The following MRAS variants were observed in gnomAD, a reference collection of about 807,000 sequenced individuals.
The protein encoded by MRAS is muscle RAS oncogene homolog.
Under a neutral mutation model 20.9 loss-of-function variants are expected in MRAS, and 4 were observed. The observed-to-expected ratio is 0.19, with a 90% CI of 0.09 to 0.44. The LOEUF (loss-of-function observed/expected upper bound fraction) is 0.44. Among genes scored for constraint, MRAS ranks in the 20% least tolerant of loss-of-function variants. MRAS has a pLI of 0.99. For missense variants in MRAS, 154 were observed against 277.5 expected (o/e 0.56, Z 3.16); for synonymous variants, 98 against 102.9 (o/e 0.95, Z 0.29).
chr3:138,395,048 A>AT (rs906391831), intron 2 of MRAS, among the ~76,000 whole-genome samples: 6 of 148,330 alleles, frequency 4.0e-5, no homozygotes, highest in East Asian at 3.9e-4. Flanking sequence ...TTTATTTTTT[A>AT]TTTTTTTTTC....
At chr3:138,374,558 A>G (rs915669548) in intron 2 of MRAS, among the ~76,000 whole-genome samples, 3 of 152,130 alleles carry the variant, frequency 2.0e-5, no homozygotes, top group Non-Finnish European at 4.4e-5. Context: ...TCCAATCTGG[A>G]TGGCTCTTAT....
At position 138,402,370 on chromosome 3, in the gene MRAS, C is replaced by G. The variant is rs1274818875; in HGVS notation, c.*101C>G. 3 of 1,048,836 alleles carry G rather than the reference C, an allele frequency of 2.9e-6. No homozygotes were observed. Among genetic ancestry groups the G allele is most frequent in the African/African-American group, 1.6e-5 (1 of 63,026 alleles). 65.0% of individuals were successfully genotyped at this position (1,048,836 alleles called of 1,614,324 possible). On this transcript the variant is annotated 3_prime_UTR_variant, in exon 6 of 6. Coordinates refer to ENST00000423968, the MANE Select transcript of MRAS (RefSeq NM_001085049.3). ...ACCATTTCTAACCACAACCCTTGGC[C>G]CAAGGACTTGGTACAGGAAGGGAGA...
chr3:138,393,371 T>C (rs1462076196), intron 2 of MRAS, among the ~76,000 whole-genome samples: 2 of 152,082 alleles, frequency 1.3e-5, no homozygotes, highest in African/African-American at 4.8e-5. Context: ...GGCCTTAAAC[T>C]TAACTCTTAT....
chr3:138,391,563 A>G lies in MRAS; in HGVS notation c.194-5761A>G, dbSNP rs563539345. Among the ~76,000 whole-genome samples, 6 of 152,362 alleles carry G rather than the reference A, an allele frequency of 3.9e-5. No homozygotes were observed. In the East Asian group the frequency reaches 9.6e-4, roughly 24 times the overall value. ...AAGTACTTAATATGAACTTTGTTTT[A>G]TGCACAAAATTCTCGGAAATATTGT... On this transcript the variant is annotated intron_variant, in intron 2 of 5. Coordinates refer to ENST00000423968, the MANE Select transcript of MRAS (RefSeq NM_001085049.3).
intron 2 of MRAS, among the ~76,000 whole-genome samples, chr3:138,396,291 C>T (rs2055233872): frequency 1.3e-5 from 2 of 152,166 alleles, no homozygotes; most frequent in African/African-American, 2.4e-5. Context: ...GAAATGGTGG[C>T]ACAGAGAGGG....
chr3:138,361,616 G>A (rs1208351985), intron 1 of MRAS, among the ~76,000 whole-genome samples: 1 of 152,202 alleles, frequency 6.6e-6, no homozygotes, highest in African/African-American at 2.4e-5. Context: ...AGCCTGAGCA[G>A]CGGAGCAGAA....
At chr3:138,392,698 T>C (rs1576382070) in intron 2 of MRAS, among the ~76,000 whole-genome samples, 1 of 152,208 alleles carries the variant, frequency 6.6e-6, no homozygotes, top group East Asian at 1.9e-4. Flanking sequence ...ATGTTCTTTT[T>C]ATCCTTCCAT....
intron 2 of MRAS, among the ~76,000 whole-genome samples, chr3:138,386,507 G>A (rs558663402): frequency 6.6e-6 from 1 of 152,110 alleles, no homozygotes. Context: ...TTTTGAGATG[G>A]AGTTTCACTC....
intron 2 of MRAS, among the ~76,000 whole-genome samples, chr3:138,396,761 TGGTATCTGTCCCCTTGGGG>T (rs1422003463): frequency 1.3e-5 from 2 of 152,058 alleles, no homozygotes; most frequent in Non-Finnish European, 2.9e-5. Flanking sequence ...AGGGTCTCCT[TGGTATCTGTCCCCTTGGGG>T]GCTGAGAAGC....
intron 2 of MRAS, among the ~76,000 whole-genome samples, chr3:138,387,932 C>T (rs775451491): frequency 4.6e-5 from 7 of 152,174 alleles, no homozygotes; most frequent in African/African-American, 9.7e-5. Context: ...CCAGCATGAG[C>T]GACCCCCAAA....
At position 138,373,186 on chromosome 3, in the gene MRAS, G is replaced by A. The variant is rs57184972; in HGVS notation, c.193+110G>A. The A allele has an allele frequency of 0.031, 31,541 of 1,027,430 alleles. 884 individuals carry two copies. Among genetic ancestry groups the A allele is most frequent in the African/African-American group, 0.13 (8,001 of 59,528 alleles). The allele number at this position is 1,027,430 out of a possible 1,614,324, so 63.6% of individuals were successfully genotyped here. ...ATGGTTTCCTTAATGTTGCTGTTAT[G>A]GGATGGTTGATATAAAGCCGTGTGT... On this transcript the variant is annotated intron_variant, in intron 2 of 5. Transcript: ENST00000423968.
intron 1 of MRAS, among the ~76,000 whole-genome samples, chr3:138,368,124 C>T (rs1033887657): frequency 6.6e-6 from 1 of 152,180 alleles, no homozygotes; most frequent in African/African-American, 2.4e-5. Context: ...GATGGGGCTG[C>T]CTGGAACCTC....
chr3:138,381,355 G>C (rs1163854218), intron 2 of MRAS, among the ~76,000 whole-genome samples: 1 of 152,232 alleles, frequency 6.6e-6, no homozygotes, highest in Non-Finnish European at 1.5e-5. Context: ...CACTAGTCTA[G>C]GGTGAGACCT....
chr3:138,368,839 T>C (rs1482777215), intron 1 of MRAS, among the ~76,000 whole-genome samples: 1 of 152,140 alleles, frequency 6.6e-6, no homozygotes, highest in East Asian at 1.9e-4. Context: ...AGGAGTGTGG[T>C]TCATATCTCT....
At chr3:138,360,172 T>G (rs1193868790) in intron 1 of MRAS, among the ~76,000 whole-genome samples, 1 of 152,148 alleles carries the variant, frequency 6.6e-6, no homozygotes, top group Non-Finnish European at 1.5e-5. Context: ...GGGATGTCCG[T>G]TTTGTTCTTG....
At chr3:138,370,789 T>G (rs891315903) in intron 1 of MRAS, among the ~76,000 whole-genome samples, 1 of 152,164 alleles carries the variant, frequency 6.6e-6, no homozygotes, top group African/African-American at 2.4e-5. Context: ...TGTAGAAAAT[T>G]GAAACATTAA....
In MRAS at chr3:138,357,176, G is replaced by A. The variant is rs73864513; in HGVS notation, c.-19+8409G>A. 5.0e-3 allele frequency among the ~76,000 whole-genome samples: 760 copies of A among 152,338 alleles called. 5 individuals are homozygous for A. Among genetic ancestry groups the A allele is most frequent in the African/African-American group, 0.017 (724 of 41,574 alleles). ...TTGGGGTGGGTAAATAGGAAAGACG[G>A]CAGGGCTGGGAGAGCCCCTTTGTGT... On this transcript the variant is annotated intron_variant, in intron 1 of 5. Coordinates refer to ENST00000423968, the MANE Select transcript of MRAS (RefSeq NM_001085049.3).
chr3:138,351,465 C>T (rs1239202847), intron 1 of MRAS, among the ~76,000 whole-genome samples: 1 of 152,166 alleles, frequency 6.6e-6, no homozygotes, highest in African/African-American at 2.4e-5. Context: ...AGACCTGGGA[C>T]ACCTGGCAGG....
At chr3:138,359,902 A>G (rs1200807170) in intron 1 of MRAS, among the ~76,000 whole-genome samples, 2 of 152,244 alleles carry the variant, frequency 1.3e-5, no homozygotes, top group Non-Finnish European at 2.9e-5. Context: ...CAATGTGTAA[A>G]ACTTTTTCAT....
Sources: allele counts gnomAD v4.1 joint callset (sites outside exome capture counted in the v4.1 genomes callset), GRCh38; gene constraint gnomAD v4.1.1; transcripts MANE v1.5; gene names NCBI Gene and HGNC (gene_info 2026-07-23, HGNC 2026-07-21).